Variants in SPATA1 observed in about 807,000 individuals in gnomAD.
SPATA1 encodes the protein spermatogenesis-associated protein 1.
SPATA1 carries 57 observed loss-of-function variants against 59.6 expected under a neutral mutation model. The observed-to-expected ratio is 0.96, with a 90% CI of 0.77 to 1.19. The LOEUF (loss-of-function observed/expected upper bound fraction) is 1.19, where lower values mean the gene tolerates loss of function less well. SPATA1 is among the 50% of genes most tolerant of loss of function. The probability of loss-of-function intolerance (pLI) is 0.00; values close to 1 mark genes in which losing one functional copy is unlikely to be tolerated. For missense variants in SPATA1, 448 were observed against 480.7 expected (o/e 0.93, Z 0.64); for synonymous variants, 147 against 163.9 (o/e 0.90, Z 0.79).
At chr1:84,534,214 G>C (rs72950307) in intron 8 of SPATA1, among the ~76,000 whole-genome samples, 2,360 of 152,046 alleles carry the variant, frequency 0.016, 60 homozygotes, top group African/African-American at 0.053. Flanking sequence ...AATTGCACTG[G>C]TTTAAACGAG....
intron 1 of SPATA1, among the ~76,000 whole-genome samples, chr1:84,511,192 A>C (rs1303308942): frequency 1.3e-5 from 2 of 152,256 alleles, no homozygotes; most frequent in Non-Finnish European, 1.5e-5. Context: ...GCTTGAGGTC[A>C]TGTATACCCT....
intron 1 of SPATA1, among the ~76,000 whole-genome samples, chr1:84,511,269 T>G (rs571158805): frequency 6.6e-6 from 1 of 152,312 alleles, no homozygotes; most frequent in South Asian, 2.1e-4. Flanking sequence ...CCCATAAATA[T>G]ATACACCTAC....
intron 6 of SPATA1, among the ~76,000 whole-genome samples, chr1:84,531,678 A>G (rs1268703745): frequency 1.3e-5 from 2 of 150,168 alleles, no homozygotes; most frequent in Non-Finnish European, 3.0e-5. Flanking sequence ...GGATCAAGAC[A>G]TCCTCCCACC....
chr1:84,538,648 T>G (rs1375401004), intron 8 of SPATA1, among the ~76,000 whole-genome samples: 1 of 152,154 alleles, frequency 6.6e-6, no homozygotes, highest in Non-Finnish European at 1.5e-5. Context: ...TGTAGAGAGA[T>G]TTACTGCATT....
intron 10 of SPATA1, among the ~76,000 whole-genome samples, chr1:84,547,230 T>C (rs1191142419): frequency 6.6e-6 from 1 of 152,194 alleles, no homozygotes; most frequent in African/African-American, 2.4e-5. Context: ...AGGACCAGGA[T>C]TGTAACACCA....
exon 13 of SPATA1, chr1:84,553,562 G>T (rs1281982669): frequency 6.6e-6 from 1 of 152,086 alleles, no homozygotes; most frequent in African/African-American, 2.4e-5. Flanking sequence ...AAATATAAAA[G>T]AATGGGGGTA....
At chr1:84,541,268 A>G (rs1279134782) in intron 8 of SPATA1, among the ~76,000 whole-genome samples, 1 of 152,176 alleles carries the variant, frequency 6.6e-6, no homozygotes, top group African/African-American at 2.4e-5. Flanking sequence ...TTTTATTTCA[A>G]GGATGTTTTC....
chr1:84,536,695 C>T (rs1385291796), intron 8 of SPATA1, among the ~76,000 whole-genome samples: 1 of 152,084 alleles, frequency 6.6e-6, no homozygotes, highest in Non-Finnish European at 1.5e-5. Context: ...CCGCCCGCCT[C>T]GGCCTCCCAA....
chr1:84,543,022 CAA>C (rs1683962346), intron 8 of SPATA1, among the ~76,000 whole-genome samples: 1 of 151,828 alleles, frequency 6.6e-6, no homozygotes, highest in African/African-American at 2.4e-5. Flanking sequence ...ATAACAAAAA[CAA>C]TAATAATAAA....
chr1:84,531,195 C>G (rs1246698217), intron 6 of SPATA1, among the ~76,000 whole-genome samples: 1 of 151,898 alleles, frequency 6.6e-6, no homozygotes, highest in Non-Finnish European at 1.5e-5. Flanking sequence ...GACAGGGTCT[C>G]TCTCCAGACC....
chr1:84,522,033 T>G (rs1219600333), intron 3 of SPATA1, among the ~76,000 whole-genome samples: 1 of 152,236 alleles, frequency 6.6e-6, no homozygotes, highest in Non-Finnish European at 1.5e-5. Context: ...AATAAATATC[T>G]GTGGCTAAAT....
chr1:84,557,410 G>A (rs1407938306), downstream of SPATA1, among the ~76,000 whole-genome samples: 3 of 151,676 alleles, frequency 2.0e-5, no homozygotes, highest in Non-Finnish European at 4.4e-5. Flanking sequence ...ATGCATGCCT[G>A]TAATCCCAGC....
intron 8 of SPATA1, among the ~76,000 whole-genome samples, chr1:84,539,481 T>C (rs937574010): frequency 4.6e-5 from 7 of 152,218 alleles, no homozygotes; most frequent in African/African-American, 1.4e-4. Context: ...TAATACATAC[T>C]GTCTTCACAC....
At chr1:84,562,229 G>A (rs185923788) in intron 4 of SPATA1, among the ~76,000 whole-genome samples, 58 of 152,286 alleles carry the variant, frequency 3.8e-4, no homozygotes, top group African/African-American at 1.3e-3. Flanking sequence ...CATGGCACAC[G>A]TGTGTATATT....
At chr1:84,550,116 T>A (rs1357581023) in intron 11 of SPATA1, 1 of 165,566 alleles carries the variant, frequency 6.0e-6, no homozygotes, top group East Asian at 1.6e-4. Flanking sequence ...AATTCTAATC[T>A]TATTCAGCTG....
Position 84,516,399 on chromosome 1 carries a change from A to G in SPATA1, c.36+4A>G. On this transcript the variant is annotated splice_donor_region_variant and intron_variant, in intron 2 of 12. Coordinates refer to ENST00000490879, the Ensembl canonical transcript of SPATA1. ...AAGTCGACCTTCCTCATCAGAGGTA[A>G]GAAAATCTTTTTATACTAAAATATA... 1 of 1,470,580 alleles carries G rather than the reference A, an allele frequency of 6.8e-7. No homozygotes were observed. The highest frequency in any genetic ancestry group is 9.1e-7 in the Non-Finnish European group (1 of 1,104,654). The allele number at this position is 1,470,580 out of a possible 1,614,324, so 91.1% of individuals were successfully genotyped here. A position where few individuals can be genotyped will look rare whatever the true frequency, so the allele number is the denominator to read the frequency against.
intron 8 of SPATA1, among the ~76,000 whole-genome samples, chr1:84,534,962 C>A (rs1212696583): frequency 1.3e-5 from 2 of 152,108 alleles, no homozygotes; most frequent in Admixed American, 1.3e-4. Flanking sequence ...TCAAGACCTC[C>A]TTTCTCTTGC....
At chr1:84,546,888 A>G (rs1570450298) in intron 10 of SPATA1, among the ~76,000 whole-genome samples, 1 of 152,324 alleles carries the variant, frequency 6.6e-6, no homozygotes, top group Middle Eastern at 3.4e-3. Context: ...CAGTGTTGTT[A>G]GGACTGGTGG....
At chr1:84,522,681 A>G (rs1187754661) in intron 4 of SPATA1, among the ~76,000 whole-genome samples, 174 bp downstream of exon 4, 1 of 152,212 alleles carries the variant, frequency 6.6e-6, no homozygotes, top group Non-Finnish European at 1.5e-5. Context: ...TTGCATAGGC[A>G]TGTTATTGGG....
Sources: gnomAD v4.1 joint callset for allele counts (sites outside exome capture counted in the v4.1 genomes callset) on GRCh38, gnomAD v4.1.1 for gene constraint, MANE v1.5 for transcripts, NCBI Gene and HGNC (gene_info 2026-07-23, HGNC 2026-07-21) for gene names.